FAM90A20: variants seen among roughly 807,000 people sequenced by gnomAD.
FAM90A20 encodes protein FAM90A20.
At chr8:7,297,363 C>T in the FAM90A20 span, 3 of 1,468,768 alleles carry the variant, frequency 2.0e-6, no homozygotes, top group East Asian at 2.3e-5. Context: ...CAGGCTGCCT[C>T]CAAAACCCAC....
the FAM90A20 span, chr8:7,297,253 C>T: frequency 2.8e-5 from 41 of 1,445,802 alleles, 4 homozygotes; most frequent in African/African-American, 2.1e-4. Context: ...GGGCTGCCGC[C>T]GACATCCCTC....
At chr8:7,296,423 C>A in the FAM90A20 span, 7 of 728,728 alleles carry the variant, frequency 9.6e-6, 1 homozygote, top group South Asian at 5.5e-5. Context: ...GGCCCCTGGT[C>A]CTTTTATCCT....
chr8:7,297,452 A>G, the FAM90A20 span: 1 of 1,553,258 alleles, frequency 6.4e-7, no homozygotes, highest in Non-Finnish European at 8.7e-7. Context: ...ATCAGCCGCC[A>G]CACACAGCTT....
At chr8:7,297,858 C>T in the FAM90A20 span, 1,300 of 841,178 alleles carry the variant, frequency 1.5e-3, 76 homozygotes, top group South Asian at 0.015. Context: ...AGCCTCCTGG[C>T]GGCCCCCTCA....
chr8:7,297,677 A>C, the FAM90A20 span: 2 of 1,386,102 alleles, frequency 1.4e-6, no homozygotes, highest in Admixed American at 1.7e-5. Context: ...CCAGATGGGC[A>C]GGAGGACACC....
the FAM90A20 span, chr8:7,295,561 C>T: frequency 1.0e-5 from 7 of 670,670 alleles, 3 homozygotes; most frequent in African/African-American, 1.9e-4. Context: ...CAATCCATCC[C>T]AATGTTAACG....
At chr8:7,295,769 G>C in the FAM90A20 span, 232 of 1,306,290 alleles carry the variant, frequency 1.8e-4, 16 homozygotes, top group Admixed American at 7.4e-4. Context: ...ATGGAAGCCT[G>C]GGGTTGAAGC....
At chr8:7,296,594 C>G in the FAM90A20 span, among the ~76,000 whole-genome samples, 13 of 135,558 alleles carry the variant, frequency 9.6e-5, 4 homozygotes, top group African/African-American at 4.6e-4. Context: ...CTGTGGCTTT[C>G]TTTCTGTCCA....
At chr8:7,296,273 T>G in the FAM90A20 span, 1 of 718,524 alleles carries the variant, frequency 1.4e-6, no homozygotes, top group East Asian at 2.6e-5. Flanking sequence ...CGGCCTGACC[T>G]TTTTCTGTTC....
At chr8:7,297,464 G>C in the FAM90A20 span, 1 of 1,548,076 alleles carries the variant, frequency 6.5e-7, no homozygotes, top group Non-Finnish European at 8.7e-7. Context: ...ACACAGCTTG[G>C]GCCTAGGCTC....
At chr8:7,296,095 C>A in the FAM90A20 span, among the ~76,000 whole-genome samples, 6 of 130,322 alleles carry the variant, frequency 4.6e-5, 2 homozygotes. Flanking sequence ...AATCACAGTC[C>A]TTAGTTGGGA....
At chr8:7,297,294 C>A in the FAM90A20 span, 1 of 1,341,682 alleles carries the variant, frequency 7.5e-7, no homozygotes, top group South Asian at 1.2e-5. Flanking sequence ...GTCCACGAGA[C>A]TCTCCTCGTG....
At chr8:7,297,491 T>A in the FAM90A20 span, 6 of 1,529,952 alleles carry the variant, frequency 3.9e-6, 2 homozygotes, top group East Asian at 6.7e-5. Context: ...CAGCTTTGGG[T>A]CAGGAGCCAA....
At chr8:7,295,377 T>G in the FAM90A20 span, among the ~76,000 whole-genome samples, 2 of 68,804 alleles carry the variant, frequency 2.9e-5, no homozygotes, top group East Asian at 6.9e-4. Context: ...CACGTTTGGC[T>G]GCGTTGTTGA....
the FAM90A20 span, among the ~76,000 whole-genome samples, chr8:7,296,854 TC>T: frequency 1.5e-5 from 2 of 136,788 alleles, no homozygotes; most frequent in Non-Finnish European, 3.0e-5. Flanking sequence ...TGTGCTTAGA[TC>T]AGCTACACAT....
the FAM90A20 span, chr8:7,296,248 G>T: frequency 1.5e-6 from 1 of 687,738 alleles, no homozygotes; most frequent in Admixed American, 2.0e-5. Context: ...GTCTCCTGGG[G>T]AAAACCAGGG....
At chr8:7,297,586 C>G in the FAM90A20 span, 2 of 1,505,522 alleles carry the variant, frequency 1.3e-6, no homozygotes, top group East Asian at 4.5e-5. Flanking sequence ...CCGAAAGCAC[C>G]ATCCAGGGAG....
the FAM90A20 span, among the ~76,000 whole-genome samples, chr8:7,296,890 G>A: frequency 2.2e-5 from 3 of 137,108 alleles, 1 homozygote; most frequent in Non-Finnish European, 4.5e-5. Context: ...TCGTTCATGT[G>A]TCTTTTCCTG....
chr8:7,297,103 G>T, the FAM90A20 span: 5 of 1,503,116 alleles, frequency 3.3e-6, 1 homozygote, highest in Admixed American at 5.1e-5. Flanking sequence ...CCTGTAAGAG[G>T]CCGCGCATGG....
Sources: gnomAD v4.1 joint callset for allele counts (sites outside exome capture counted in the v4.1 genomes callset) on GRCh38, gnomAD v4.1.1 for gene constraint, MANE v1.5 for transcripts, NCBI Gene and HGNC (gene_info 2026-07-23, HGNC 2026-07-21) for gene names.